NRCAM: variants seen among roughly 807,000 people sequenced by gnomAD.
NRCAM encodes NgCAM-related cell adhesion molecule.
NRCAM carries 83 observed loss-of-function variants against 156.5 expected under a neutral mutation model. That is an observed-to-expected ratio of 0.53 (90% confidence interval 0.44 to 0.64). The LOEUF is 0.64. NRCAM is among the 30% of genes least tolerant of loss of function. The pLI is 0.00. For synonymous variants in NRCAM, 538 were observed against 563.9 expected (o/e 0.95, Z 0.65); for missense variants, 1,417 against 1,597.3 (o/e 0.89, Z 1.92).
intron 1 of NRCAM, among the ~76,000 whole-genome samples, chr7:108,404,708 T>C (rs2099802448): frequency 6.6e-6 from 1 of 152,200 alleles, no homozygotes; most frequent in Non-Finnish European, 1.5e-5. Flanking sequence ...GCAATTTCAA[T>C]ATCCCCATCT....
At chr7:108,411,478 T>A (rs986367660) in intron 1 of NRCAM, among the ~76,000 whole-genome samples, 1 of 152,204 alleles carries the variant, frequency 6.6e-6, no homozygotes. Context: ...ACTTACTTTT[T>A]AAATGTTACA....
intron 3 of NRCAM, among the ~76,000 whole-genome samples, chr7:108,289,993 GAA>G: frequency 6.6e-6 from 1 of 152,220 alleles, no homozygotes; most frequent in East Asian, 1.9e-4. Flanking sequence ...CCCATGAAGA[GAA>G]AGAGATTCCC....
At chr7:108,208,899 C>T in intron 12 of NRCAM, among the ~76,000 whole-genome samples, 1 of 152,130 alleles carries the variant, frequency 6.6e-6, no homozygotes. Flanking sequence ...CCAGGTTTCT[C>T]CACTCCAAAG....
intron 1 of NRCAM, among the ~76,000 whole-genome samples, chr7:108,432,834 A>G (rs1315837441): frequency 6.6e-6 from 1 of 152,096 alleles, no homozygotes; most frequent in Non-Finnish European, 1.5e-5. Flanking sequence ...CCTGGGAGGC[A>G]GAGGTTGCCG....
chr7:108,381,852 C>A (rs1039450757), intron 2 of NRCAM, among the ~76,000 whole-genome samples: 2 of 152,092 alleles, frequency 1.3e-5, no homozygotes, highest in Non-Finnish European at 2.9e-5. Context: ...TGAGTCACTG[C>A]GCCTGGCCTG....
At chr7:108,335,848 A>G (rs1247731026) in intron 2 of NRCAM, among the ~76,000 whole-genome samples, 2 of 152,164 alleles carry the variant, frequency 1.3e-5, no homozygotes, top group Non-Finnish European at 1.5e-5. Flanking sequence ...CTGTTGCTTA[A>G]TTCTTTTTTC....
chr7:108,176,910 A>G (rs977080219), intron 26 of NRCAM: 4 of 204,308 alleles, frequency 2.0e-5, no homozygotes, highest in African/African-American at 9.3e-5. Context: ...GTGTTCTTGC[A>G]GGTGGAGTTG....
chr7:108,295,999 C>T lies in NRCAM; in HGVS notation c.-107+16666G>A, dbSNP rs186783064. ...TCACTGCGCTTGCTGAAGGAGTGCA[C>T]TTGAGCTAGCGGAGAGTTCCCAGAG... On this transcript the variant is annotated intron_variant, in intron 3 of 32. Transcript: ENST00000379028. Among the ~76,000 whole-genome samples the T allele has an allele frequency of 5.6e-3, 848 of 152,302 alleles. 2 individuals are homozygous for T. Among genetic ancestry groups the T allele is most frequent in the Non-Finnish European group, 8.8e-3 (602 of 68,030 alleles).
chr7:108,341,669 C>A (rs533202233), intron 2 of NRCAM, among the ~76,000 whole-genome samples: 34 of 152,140 alleles, frequency 2.2e-4, no homozygotes, highest in Admixed American at 3.9e-4. Flanking sequence ...CCATCCTGTT[C>A]AAATTAAACT....
In NRCAM at chr7:108,226,360, T is replaced by C. The variant is rs1180944901; in HGVS notation, c.569A>G (p.Gln190Arg). Residue 190 changes from glutamine to arginine, a missense_variant, in exon 9 of 33, where the codon CAA (glutamine) becomes CGA (arginine). Physicochemically the swap from Gln to Arg is conservative, Grantham distance 43. Coordinates refer to ENST00000379028, the MANE Select transcript of NRCAM (RefSeq NM_001037132.4). The part of the protein sequence containing the change: ...WMDNSFQRLP[Q>R]SERVSQGLNG... ...CAAACCTTGAGAAACTCTCTCACTTTGTGGAAGTCTTTGAAAGGCTGGAGA... is the reference window on the plus strand; with the variant it reads ...CAAACCTTGAGAAACTCTCTCACTTCGTGGAAGTCTTTGAAAGGCTGGAGA... The C allele has an allele frequency of 4.3e-6, 7 of 1,612,426 alleles. No homozygotes were observed. The highest frequency in any genetic ancestry group is 4.2e-6 in the Non-Finnish European group (5 of 1,179,236).
chr7:108,451,464 C>A (rs1303307740), intron 1 of NRCAM, among the ~76,000 whole-genome samples: 1 of 151,816 alleles, frequency 6.6e-6, no homozygotes, highest in Non-Finnish European at 1.5e-5. Flanking sequence ...GGGTATATAC[C>A]CCAGAGAATT....
chr7:108,330,274 A>G (rs919151800), intron 2 of NRCAM, among the ~76,000 whole-genome samples: 2 of 152,142 alleles, frequency 1.3e-5, no homozygotes, highest in Admixed American at 1.3e-4. Context: ...AGGCTCACAC[A>G]CCAACTTGAA....
chr7:108,199,881 A>G (rs1456926958), intron 13 of NRCAM, among the ~76,000 whole-genome samples: 2 of 152,204 alleles, frequency 1.3e-5, no homozygotes, highest in Non-Finnish European at 2.9e-5. Flanking sequence ...TGTCTACCAC[A>G]TACTGTATCA....
At chr7:108,318,087 C>G (rs2098952826) in intron 2 of NRCAM, among the ~76,000 whole-genome samples, 1 of 128,654 alleles carries the variant, frequency 7.8e-6, no homozygotes, top group Non-Finnish European at 1.6e-5. Context: ...ACTCTGTCGC[C>G]CAGACTGGAG....
chr7:108,174,281 C>T (rs1194834964), intron 28 of NRCAM, among the ~76,000 whole-genome samples: 1 of 152,258 alleles, frequency 6.6e-6, no homozygotes, highest in Non-Finnish European at 1.5e-5. Flanking sequence ...TCTATCTGAT[C>T]GATATTTTGT....
At chr7:108,353,738 G>A (rs1468843954) in intron 2 of NRCAM, among the ~76,000 whole-genome samples, 1 of 152,220 alleles carries the variant, frequency 6.6e-6, no homozygotes, top group East Asian at 1.9e-4. Flanking sequence ...ACACATGGCA[G>A]GTGTACAATT....
intron 7 of NRCAM, among the ~76,000 whole-genome samples, chr7:108,231,984 T>C (rs1364990524): frequency 6.6e-6 from 1 of 152,190 alleles, no homozygotes; most frequent in Non-Finnish European, 1.5e-5. Flanking sequence ...ATCACCCATA[T>C]CATACTGAAT....
At chr7:108,214,439 G>A (rs1445671743) in intron 11 of NRCAM, among the ~76,000 whole-genome samples, 1 of 152,020 alleles carries the variant, frequency 6.6e-6, no homozygotes, top group Non-Finnish European at 1.5e-5. Context: ...TATTTCTGTG[G>A]GATCAGTGGT....
chr7:108,260,377 G>A (rs1413099468), intron 3 of NRCAM, among the ~76,000 whole-genome samples: 1 of 152,092 alleles, frequency 6.6e-6, no homozygotes, highest in African/African-American at 2.4e-5. Context: ...AAAAATGAAT[G>A]GGTTGTTATT....
Sources: gnomAD v4.1 joint callset for allele counts (sites outside exome capture counted in the v4.1 genomes callset) on GRCh38, gnomAD v4.1.1 for gene constraint, MANE v1.5 for transcripts, NCBI Gene and HGNC (gene_info 2026-07-23, HGNC 2026-07-21) for gene names.